The following EPB41L3 variants were observed in gnomAD, a reference collection of about 807,000 sequenced individuals.
The protein encoded by EPB41L3 is erythrocyte membrane protein band 4.1 like 3, also known as band 4.1-like protein 3.
A neutral mutation model predicts 127.1 loss-of-function variants in EPB41L3; 57 were observed. That is an observed-to-expected ratio of 0.45 (90% CI 0.36 to 0.56). The LOEUF is 0.56. EPB41L3 is among the 20% of genes least tolerant of loss of function. EPB41L3 has a pLI of 0.00. For synonymous variants in EPB41L3, 572 were observed against 549.5 expected, an observed-to-expected ratio of 1.04 and a Z score of -0.57; for missense variants, 1,273 against 1,372.2, an observed-to-expected ratio of 0.93 and a Z score of 1.14.
At chr18:5,533,706 C>CTA (rs1003612923) in intron 1 of EPB41L3, among the ~76,000 whole-genome samples, 4 of 152,192 alleles carry the variant, frequency 2.6e-5, no homozygotes, top group Non-Finnish European at 4.4e-5. Flanking sequence ...ATATTAAGAG[C>CTA]TACGTACTTT....
At chr18:5,560,972 TTTATTTATTTATTTATTTA>T in intron 3 of EPB41L3, among the ~76,000 whole-genome samples, 1 of 144,342 alleles carries the variant, frequency 6.9e-6, no homozygotes, top group Non-Finnish European at 1.5e-5. Flanking sequence ...TATTTATTTA[TTTATTTATTTATTTATTTA>T]TTTTGAGATG....
chr18:5,604,505 G>GTGCAGTGGCACAATCTTGGCTCACTGCAA (rs1231423939), intron 3 of EPB41L3, among the ~76,000 whole-genome samples: 1 of 152,054 alleles, frequency 6.6e-6, no homozygotes, highest in East Asian at 1.9e-4. Flanking sequence ...CTGGGCTGGA[G>GTGCAGTGGCACAATCTTGGCTCACTGCAA]TGCAGTGGCA....
At chr18:5,526,045 T>C (rs2093209290) in intron 1 of EPB41L3, among the ~76,000 whole-genome samples, 2 of 151,998 alleles carry the variant, frequency 1.3e-5, no homozygotes, top group African/African-American at 4.8e-5. Context: ...TATCAGGCAA[T>C]TCCATTTTAC....
In EPB41L3 at chr18:5,443,875, C is replaced by A. The variant is rs2081124541; in HGVS notation, c.492G>T (p.Trp164Cys). 1 of 1,606,278 alleles carries A rather than the reference C, an allele frequency of 6.2e-7. No individual in the cohort carries two copies. The highest frequency in any genetic ancestry group is 8.5e-7 in the Non-Finnish European group (1 of 1,177,316). The stretch of plus-strand genomic sequence containing the variant: ...TTTTTATTTCCTTAGCAGGGTCCAA[C>A]CAATTCTGAAAAGGAAATGACATTT... ...TYRDAENQKNWLDPAKEIKKQ... is the reference protein window; with the variant it reads ...TYRDAENQKNCLDPAKEIKKQ... The change falls in exon 5 of 23, where the codon TGG becomes TGT. Residue 164 changes from tryptophan (W) to cysteine (C), a missense_variant. By Grantham distance (215) the Trp-to-Cys change is radical. This residue lies in a region of EPB41L3 where 326 missense variants were observed against 440.2 expected (regional missense o/e 0.74). Transcript: ENST00000341928.
In EPB41L3 at chr18:5,396,983, T is replaced by C. The variant is rs2073632626; in HGVS notation, c.2841+75A>G. 3.4e-6 allele frequency: 5 copies of C among 1,455,676 alleles called. No individual in the cohort carries two copies. In the South Asian group the frequency reaches 6.8e-5, roughly 20 times the overall value. 90.2% of individuals were successfully genotyped at this position (1,455,676 alleles called of 1,614,324 possible). A position where few individuals can be genotyped will look rare whatever the true frequency, so the allele number is the denominator to read the frequency against. ...AGAAAATTAAACTTAGCTCCACCTT[T>C]ATGCTGATCTAAATTTCCAGGCATC... On this transcript the variant is annotated intron_variant, in intron 18 of 22. Coordinates refer to ENST00000341928, the MANE Select transcript of EPB41L3 (RefSeq NM_012307.5).
At chr18:5,395,321 C>A (rs1020827255) in intron 20 of EPB41L3, among the ~76,000 whole-genome samples, 174 bp from the exon 21 acceptor site, 3 of 152,160 alleles carry the variant, frequency 2.0e-5, no homozygotes, top group African/African-American at 7.2e-5. Context: ...GGAATGGAGG[C>A]CCTTGGGTCT....
intron 1 of EPB41L3, among the ~76,000 whole-genome samples, chr18:5,497,248 A>C (rs1335636373): frequency 1.3e-5 from 2 of 152,158 alleles, no homozygotes; most frequent in African/African-American, 4.8e-5. Context: ...TTTTAAATGC[A>C]GTGGAGCATT....
At chr18:5,565,349 T>C (rs917293706) in intron 3 of EPB41L3, among the ~76,000 whole-genome samples, 7 of 151,620 alleles carry the variant, frequency 4.6e-5, no homozygotes, top group African/African-American at 1.7e-4. Flanking sequence ...GAGGTGGAGG[T>C]TGTAGAGAGC....
In EPB41L3 at chr18:5,428,384, A is replaced by G. The variant is rs1348102263; in HGVS notation, c.994T>C (p.Phe332Leu). 6.2e-7 allele frequency: 1 copy of G among 1,614,060 alleles called. No individual in the cohort carries two copies. Among genetic ancestry groups the G allele is most frequent in the Admixed American group, 1.7e-5 (1 of 59,998 alleles). The change falls in exon 9 of 23, where the codon TTT (phenylalanine) becomes CTT (leucine). Residue 332 changes from phenylalanine (F) to leucine (L), a missense_variant. Around this residue, in one of 3 missense-constraint regions of EPB41L3, gnomAD observed 326 missense variants for 440.2 expected, o/e 0.74. Transcript: ENST00000341928. ...IYRDRLRINRFAWPKVLKISY... is the reference protein window; with the variant it reads ...IYRDRLRINRLAWPKVLKISY... ...ATCTTTAGAACCTTGGGCCAGGCAA[A>G]TCTGTTTATTCGCAGCCGGTCGCGA...
chr18:5,462,504 T>C (rs183842970), intron 3 of EPB41L3, among the ~76,000 whole-genome samples: 262 of 152,320 alleles, frequency 1.7e-3, no homozygotes, highest in Non-Finnish European at 3.4e-3. Context: ...ACTCTCTGTT[T>C]TTGAACTGTT....
intron 9 of EPB41L3, among the ~76,000 whole-genome samples, chr18:5,425,227 T>C (rs73379525): frequency 0.022 from 3,305 of 152,284 alleles, 125 homozygotes; most frequent in African/African-American, 0.076. Flanking sequence ...AGGGGTCATA[T>C]GCATGGCATG....
At chr18:5,600,620 G>C (rs1007582243) in intron 3 of EPB41L3, among the ~76,000 whole-genome samples, 6 of 150,932 alleles carry the variant, frequency 4.0e-5, no homozygotes, top group Non-Finnish European at 5.9e-5. Context: ...AAAAGCAAAG[G>C]GAAGAAAAAA....
intron 3 of EPB41L3, among the ~76,000 whole-genome samples, chr18:5,603,251 G>A (rs1379527137): frequency 6.6e-6 from 1 of 152,200 alleles, no homozygotes; most frequent in Non-Finnish European, 1.5e-5. Flanking sequence ...GCCTCTCTAA[G>A]TGAGAGGAAA....
intron 3 of EPB41L3, among the ~76,000 whole-genome samples, chr18:5,585,079 A>G (rs1264350392): frequency 6.6e-6 from 1 of 152,214 alleles, no homozygotes. Context: ...TCAGAAACTG[A>G]AATTTAAAAG....
intron 1 of EPB41L3, chr18:5,540,424 T>C (rs2093686940): frequency 2.0e-6 from 2 of 985,340 alleles, no homozygotes; most frequent in African/African-American, 3.5e-5. Context: ...TCAGATGGTC[T>C]GGTTTTGCCT....
chr18:5,542,839 A>G (rs1169723347), intron 1 of EPB41L3, among the ~76,000 whole-genome samples: 1 of 152,346 alleles, frequency 6.6e-6, no homozygotes, highest in East Asian at 1.9e-4. Context: ...TGCAGAAGCC[A>G]TGAACTTGGC....
At position 5,443,548 on chromosome 18, in the gene EPB41L3, TAATAATTCAGTTTGG is replaced by T. The variant is rs547243420; in HGVS notation, c.529+275_529+289del. ...CATACTTTTGTGACTGTTGGAACAT[TAATAATTCAGTTTGG>T]AAGTTTTAAATGGTTAATTGCCAAT... On this transcript the variant is annotated intron_variant, in intron 5 of 22. Coordinates refer to ENST00000341928, the MANE Select transcript of EPB41L3 (RefSeq NM_012307.5). Among the ~76,000 whole-genome samples the T allele has an allele frequency of 2.6e-5, 4 of 152,350 alleles. No homozygotes were observed. In the East Asian group the frequency reaches 5.8e-4, roughly 22 times the overall value.
intron 3 of EPB41L3, among the ~76,000 whole-genome samples, chr18:5,471,072 T>C (rs1026348649): frequency 8.5e-5 from 13 of 152,136 alleles, no homozygotes; most frequent in Admixed American, 4.6e-4. Context: ...GTACCTGCCA[T>C]GCAGGAGCAG....
chr18:5,488,908 A>G (rs1471522247), intron 2 of EPB41L3, 93 bp downstream of exon 2: 3 of 1,368,008 alleles, frequency 2.2e-6, no homozygotes, highest in Non-Finnish European at 2.9e-6. Context: ...ATGACCCCTC[A>G]TAGCTGCCTC....
Sources: allele counts gnomAD v4.1 joint callset (sites outside exome capture counted in the v4.1 genomes callset), GRCh38; gene constraint gnomAD v4.1.1; regional missense constraint gnomAD v4.1.1; transcripts MANE v1.5; gene names NCBI Gene and HGNC (gene_info 2026-07-23, HGNC 2026-07-21).